The following GGT7 variants were observed in gnomAD, a reference collection of about 807,000 sequenced individuals.
GGT7 encodes the protein gamma-glutamyltransferase 7, also known as glutathione hydrolase 7.
In GGT7, 30 loss-of-function variants were observed where a neutral mutation model predicts 69.2. The ratio of observed to expected loss-of-function variants is 0.43; its 90% CI spans 0.32 to 0.59. The LOEUF is 0.59. GGT7 is among the 20% of genes least tolerant of loss of function. GGT7 has a pLI of 0.05. For synonymous variants in GGT7, 388 were observed against 391.8 expected (o/e 0.99, Z 0.12); for missense variants, 733 against 901.1 (o/e 0.81, Z 2.39).
At chr20:34,859,224 T>C (rs1265328629) in intron 7 of GGT7, among the ~76,000 whole-genome samples, 8 of 151,710 alleles carry the variant, frequency 5.3e-5, no homozygotes, top group Admixed American at 5.3e-4. Flanking sequence ...TTTCATGTCA[T>C]ATCCCAGTCA....
At position 34,863,613 on chromosome 20, in the gene GGT7, G is replaced by T; in HGVS notation, c.170-65C>A. ...TCTGGCCCTGCCCACCCTCCAGGTG[G>T]GACTATTCAGCGCTTTCCCTGCCCC... is the stretch of plus-strand genomic sequence containing the variant. On this transcript the variant is annotated intron_variant, in intron 1 of 14. Coordinates refer to ENST00000336431, the MANE Select transcript of GGT7 (RefSeq NM_178026.3). The surrounding 1 kb of genome is among the most constrained non-coding windows in gnomAD (Gnocchi z 4.4). 1.9e-6 allele frequency: 2 copies of T among 1,078,012 alleles called. No individual in the cohort carries two copies. Among genetic ancestry groups the T allele is most frequent in the East Asian group, 2.6e-5 (1 of 38,816 alleles). 66.8% of individuals were successfully genotyped at this position (1,078,012 alleles called of 1,614,324 possible).
intron 7 of GGT7, among the ~76,000 whole-genome samples, chr20:34,857,226 C>T (rs1454298196): frequency 2.0e-5 from 3 of 152,220 alleles, no homozygotes; most frequent in African/African-American, 7.2e-5. Context: ...GAGCTCTATG[C>T]AGCTGCAGAG....
chr20:34,862,453 G>C (rs1423288660), intron 3 of GGT7, among the ~76,000 whole-genome samples: 1 of 151,916 alleles, frequency 6.6e-6, no homozygotes, highest in Non-Finnish European at 1.5e-5. Flanking sequence ...GAGGACAGAG[G>C]GTGCAAGGCT....
intron 10 of GGT7, among the ~76,000 whole-genome samples, chr20:34,853,595 C>T (rs1007748611): frequency 3.3e-5 from 5 of 151,338 alleles, no homozygotes; most frequent in African/African-American, 1.2e-4. Context: ...CTGAGGGTTT[C>T]TTACCTAATA....
chr20:34,852,555 T>G lies in GGT7; in HGVS notation c.1320-17A>C, dbSNP rs1206375066. The stretch of plus-strand genomic sequence containing the variant: ...TCCACCTTGCTGAAAAGACAAGGGG[T>G]GGGAGATGAGCAAACAACAGGCTCT... On this transcript the variant is annotated splice_polypyrimidine_tract_variant and intron_variant, in intron 10 of 14. Coordinates refer to ENST00000336431, the MANE Select transcript of GGT7 (RefSeq NM_178026.3). The G allele has an allele frequency of 6.4e-7, 1 of 1,559,908 alleles. No individual in the cohort carries two copies. Among genetic ancestry groups the G allele is most frequent in the African/African-American group, 1.4e-5 (1 of 72,116 alleles).
At chr20:34,866,333 G>C (rs1415006586) in intron 1 of GGT7, among the ~76,000 whole-genome samples, 3 of 152,120 alleles carry the variant, frequency 2.0e-5, no homozygotes, top group Non-Finnish European at 4.4e-5. Flanking sequence ...TGTAAGCCCA[G>C]CTATTCAGAA....
intron 13 of GGT7, 77 bp from the exon 14 acceptor site, chr20:34,850,137 G>T (rs1329236998): frequency 3.0e-6 from 3 of 998,542 alleles, no homozygotes; most frequent in Non-Finnish European, 4.8e-6. Flanking sequence ...CTCACCCTTG[G>T]TCCAGGCTCC....
At chr20:34,849,003 G>A (rs1326229190) in intron 14 of GGT7, among the ~76,000 whole-genome samples, 3 of 151,892 alleles carry the variant, frequency 2.0e-5, no homozygotes, top group Non-Finnish European at 4.4e-5. Flanking sequence ...ACGATCCGGC[G>A]CCTGCCTGCC....
Position 34,849,945 on chromosome 20 carries a change from T to G in GGT7, c.1825+16A>C. On this transcript the variant is annotated intron_variant, in intron 14 of 14. Transcript: ENST00000336431. ...GTCCCTGTGCCCGCCCCACGAGGTCTCTGCTCTGCACTCACTGTCCACCTG... is the reference window on the plus strand; with the variant it reads ...GTCCCTGTGCCCGCCCCACGAGGTCGCTGCTCTGCACTCACTGTCCACCTG... The G allele has an allele frequency of 6.5e-7, 1 of 1,547,142 alleles. No individual in the cohort carries two copies. Among genetic ancestry groups the G allele is most frequent in the Non-Finnish European group, 8.9e-7 (1 of 1,121,308 alleles).
rs532255802 is a variant in GGT7 at position 34,863,216 on chromosome 20, TCTA to T, written c.405+94_405+96del. 1.3e-5 allele frequency: 13 copies of T among 974,886 alleles called. No individual in the cohort carries two copies. The highest frequency in any genetic ancestry group is 3.2e-5 in the South Asian group (2 of 63,152). 60.4% of individuals were successfully genotyped at this position (974,886 alleles called of 1,614,324 possible). A position where few individuals can be genotyped will look rare whatever the true frequency, so the allele number is the denominator to read the frequency against. On this transcript the variant is annotated intron_variant, in intron 2 of 14. Transcript: ENST00000336431. The surrounding 1 kb of genome is among the most constrained non-coding windows in gnomAD (Gnocchi z 4.4). ...CCCAAGTCACCACCCTCTCTCCCCTTCTACCACTCAGCCATTCCCCAGTTTCCA... is the reference window on the plus strand; with the variant it reads ...CCCAAGTCACCACCCTCTCTCCCCTTCCACTCAGCCATTCCCCAGTTTCCA...
At position 34,863,070 on chromosome 20, in the gene GGT7, G is replaced by A; in HGVS notation, c.406-105C>T. 1 of 1,168,160 alleles carries A rather than the reference G, an allele frequency of 8.6e-7. No individual in the cohort carries two copies. The highest frequency in any genetic ancestry group is 1.2e-6 in the Non-Finnish European group (1 of 823,964). 72.4% of individuals were successfully genotyped at this position (1,168,160 alleles called of 1,614,324 possible). ...TACGCGGCATGAAGGTCGAAGCCCT[G>A]CCCCCTTGTTGCCTTGACTCTGCCC... On this transcript the variant is annotated intron_variant, in intron 2 of 14. Coordinates refer to ENST00000336431, the MANE Select transcript of GGT7 (RefSeq NM_178026.3). The surrounding 1 kb of genome is among the most constrained non-coding windows in gnomAD (Gnocchi z 4.4).
At chr20:34,865,707 G>T (rs1405699685) in intron 1 of GGT7, among the ~76,000 whole-genome samples, 1 of 152,214 alleles carries the variant, frequency 6.6e-6, no homozygotes, top group Non-Finnish European at 1.5e-5. Flanking sequence ...TGTGCACCCA[G>T]TGCACTGTAG....
chr20:34,853,934 C>CTGTT (rs111731005), intron 10 of GGT7, among the ~76,000 whole-genome samples: 2 of 152,088 alleles, frequency 1.3e-5, no homozygotes, highest in South Asian at 2.1e-4. Context: ...TGCTTGGAGA[C>CTGTT]TGTTTGTTTG....
At chr20:34,866,441 A>T (rs1277003018) in intron 1 of GGT7, among the ~76,000 whole-genome samples, 9 of 152,156 alleles carry the variant, frequency 5.9e-5, no homozygotes, top group African/African-American at 2.2e-4. Context: ...ACATAGATAG[A>T]CCCTGTCTCT....
chr20:34,850,341 G>A (rs138240722), intron 13 of GGT7: 25 of 574,516 alleles, frequency 4.4e-5, no homozygotes, highest in African/African-American at 2.1e-4. Flanking sequence ...AATCTAGCCC[G>A]GGGCTCCCTT....
intron 6 of GGT7, 69 bp downstream of exon 6, chr20:34,859,900 C>T: frequency 8.6e-7 from 1 of 1,168,448 alleles, no homozygotes; most frequent in Non-Finnish European, 1.3e-6. Context: ...GGCTTGGGCT[C>T]CAAATCTCAA....
intron 10 of GGT7, among the ~76,000 whole-genome samples, chr20:34,853,706 G>C (rs1425654027): frequency 6.6e-6 from 1 of 152,136 alleles, no homozygotes; most frequent in Admixed American, 6.6e-5. Context: ...TTACATGTAT[G>C]ATTTTGTTTA....
rs1240947070 is a variant in GGT7, at chr20:34,863,725, GC to G, written c.170-178del. ...ACCCCAGGACAGGCGGGGCAACGGTGCCCGGCTAGGAAGAGACAGGGACCTC... is the reference window on the plus strand; with the variant it reads ...ACCCCAGGACAGGCGGGGCAACGGTGCCGGCTAGGAAGAGACAGGGACCTC... On this transcript the variant is annotated intron_variant, in intron 1 of 14. Transcript: ENST00000336431. The surrounding 1 kb of genome is among the most constrained non-coding windows in gnomAD (Gnocchi z 4.4). 6 of 717,700 alleles carry G rather than the reference GC, an allele frequency of 8.4e-6. No homozygotes were observed. The highest frequency in any genetic ancestry group is 1.3e-5 in the Non-Finnish European group (5 of 386,544). 44.5% of individuals were successfully genotyped at this position (717,700 alleles called of 1,614,324 possible).
intron 14 of GGT7, among the ~76,000 whole-genome samples, chr20:34,847,199 G>A (rs1349189144): frequency 6.6e-6 from 1 of 152,150 alleles, no homozygotes; most frequent in Non-Finnish European, 1.5e-5. Flanking sequence ...AGTAAATATT[G>A]AGCAGATACT....
Sources: allele counts gnomAD v4.1 joint callset (sites outside exome capture counted in the v4.1 genomes callset), GRCh38; gene constraint gnomAD v4.1.1; non-coding constraint Gnocchi (gnomAD v3.1); transcripts MANE v1.5; gene names NCBI Gene and HGNC (gene_info 2026-07-23, HGNC 2026-07-21).